The following LMF1 variants were observed in gnomAD, a reference collection of about 807,000 sequenced individuals.
LMF1 encodes lipase maturation factor 1, also known as transmembrane protein 112.
LMF1 carries 68 observed loss-of-function variants against 60.6 expected under a neutral mutation model. The observed-to-expected ratio is 1.12, with a 90% CI of 0.92 to 1.37. The LOEUF (loss-of-function observed/expected upper bound fraction) is 1.37. Ranked by LOEUF, LMF1 falls within the 40% of genes most tolerant of loss-of-function variation. LMF1 has a pLI of 0.00. For missense variants in LMF1, 948 were observed against 767.2 expected, an observed-to-expected ratio of 1.24 and a Z score of -2.78; for synonymous variants, 418 against 324.7, an observed-to-expected ratio of 1.29 and a Z score of -3.09.
intron 3 of LMF1, chr16:931,642 C>T: frequency 7.8e-7 from 1 of 1,286,978 alleles, no homozygotes; most frequent in Non-Finnish European, 1.0e-6. Flanking sequence ...GGAGTCATAC[C>T]TCAGTAACTG....
intron 1 of LMF1, 93 bp downstream of exon 1, chr16:970,695 C>T: frequency 2.5e-6 from 3 of 1,222,268 alleles, no homozygotes; most frequent in Admixed American, 2.6e-5. Flanking sequence ...GCGCCGCGGC[C>T]GCGAGACCGC....
intron 1 of LMF1, among the ~76,000 whole-genome samples, chr16:955,220 AGGCG>A (rs2072658377): frequency 7.7e-6 from 1 of 129,594 alleles, no homozygotes; most frequent in Admixed American, 7.5e-5. Flanking sequence ...GTTACATAAA[AGGCG>A]TGCCTGCAGC....
chr16:978,235 ACACCATACGCACTATACACG>A (rs1278449407), intron 1 of LMF1, among the ~76,000 whole-genome samples: 6 of 151,390 alleles, frequency 4.0e-5, no homozygotes, highest in Admixed American at 4.0e-4. Context: ...CACACCATAC[ACACCATACGCACTATACACG>A]CACCATACAC....
At chr16:932,051 C>A (rs911094385) in intron 3 of LMF1, among the ~76,000 whole-genome samples, 3 of 152,236 alleles carry the variant, frequency 2.0e-5, no homozygotes, top group African/African-American at 7.2e-5. Flanking sequence ...CCCATGCAGA[C>A]CCCGTTGCTT....
chr16:860,051 C>A (rs141660879), intron 10 of LMF1, among the ~76,000 whole-genome samples: 34 of 148,906 alleles, frequency 2.3e-4, no homozygotes, highest in Non-Finnish European at 4.3e-4. Flanking sequence ...ATCTGTGCAC[C>A]TTCTTTGGTG....
Position 970,771 on chromosome 16 carries a change from G to T in LMF1, c.193+17C>A, listed in dbSNP as rs1012448343. 1 of 1,511,928 alleles carries T rather than the reference G, an allele frequency of 6.6e-7. No homozygotes were observed. Among genetic ancestry groups the T allele is most frequent in the South Asian group, 1.2e-5 (1 of 80,730 alleles). 93.7% of individuals were successfully genotyped at this position (1,511,928 alleles called of 1,614,324 possible). ...GAGGTGACACTGGCGGATGTCCCGG[G>T]CCCGCCCGGCACTCACAGTACACGA... On this transcript the variant is annotated intron_variant, in intron 1 of 10. Transcript: ENST00000262301.
At chr16:945,235 T>C (rs1353146119) in intron 2 of LMF1, among the ~76,000 whole-genome samples, 1 of 92,978 alleles carries the variant, frequency 1.1e-5, no homozygotes, top group African/African-American at 5.0e-5. Flanking sequence ...AAAAGGAAAA[T>C]ATTTGGCTGG....
chr16:922,370 T>C (rs1212843327), intron 3 of LMF1, among the ~76,000 whole-genome samples: 1 of 152,180 alleles, frequency 6.6e-6, no homozygotes, highest in Non-Finnish European at 1.5e-5. Flanking sequence ...GGTAGCCAGG[T>C]AGGCAGAATG....
At chr16:914,745 CTATTGGTGACA>C (rs1220391205) in intron 3 of LMF1, among the ~76,000 whole-genome samples, 55 of 129,226 alleles carry the variant, frequency 4.3e-4, no homozygotes, top group Middle Eastern at 5.2e-3. Context: ...CTCCCCATGA[CTATTGGTGACA>C]CATTCCCTCC....
chr16:899,173 G>C (rs1325751053), intron 4 of LMF1: 1 of 152,256 alleles, frequency 6.6e-6, no homozygotes, highest in Non-Finnish European at 1.5e-5. Context: ...GCCGCGAGGA[G>C]CACCCCGGCT....
chr16:929,839 C>T (rs55816525), intron 3 of LMF1, among the ~76,000 whole-genome samples: 5,243 of 152,356 alleles, frequency 0.034, 111 homozygotes, highest in East Asian at 0.093. Context: ...TCAGCAGTCA[C>T]GTCCGTCTGT....
chr16:869,891 C>G lies in LMF1; in HGVS notation c.1408G>C (p.Ala470Pro). 1 of 1,611,732 alleles carries G rather than the reference C, an allele frequency of 6.2e-7. No homozygotes were observed. Among genetic ancestry groups the G allele is most frequent in the Non-Finnish European group, 8.5e-7 (1 of 1,179,546 alleles). ...YRLDWLMWFAAFQTYEHNDWI... is the reference protein window; with the variant it reads ...YRLDWLMWFAPFQTYEHNDWI... The stretch of plus-strand genomic sequence containing the variant: ...CAGGGACCGTCCCCCACCTGGAAGG[C>G]CGCGAACCACATCAGCCAGTCCAGG... The change falls in exon 9 of 11, where the codon GCC (alanine) becomes CCC (proline). Residue 470 changes from alanine to proline, a missense_variant. Physicochemically the swap from Ala to Pro is conservative, Grantham distance 27. Transcript: ENST00000262301.
rs1459871052 is a variant in LMF1 at position 950,193 on chromosome 16, G to C, written c.503+4164C>G. On this transcript the variant is annotated intron_variant, in intron 2 of 10. Transcript: ENST00000262301. Reference sequence around the variant, plus strand: ...AACGACAGAGTCAGAGCCAACGACAGAGTCAGCCAATGACAGAGTCAGAGA... The same window carrying C: ...AACGACAGAGTCAGAGCCAACGACACAGTCAGCCAATGACAGAGTCAGAGA... 1.0e-4 allele frequency among the ~76,000 whole-genome samples: 11 copies of C among 106,326 alleles called. 3 individuals are homozygous for C. Among genetic ancestry groups the C allele is most frequent in the Admixed American group, 1.8e-4 (2 of 10,852 alleles). The allele number at this position is 106,326 out of a possible 152,430, so 69.8% of individuals were successfully genotyped here. A position where few individuals can be genotyped will look rare whatever the true frequency, so the allele number is the denominator to read the frequency against.
In LMF1 at chr16:854,433, T is replaced by A; in HGVS notation, c.*99A>T. On this transcript the variant is annotated 3_prime_UTR_variant, in exon 11 of 11. Transcript: ENST00000262301. ...GGGTCCCACCGCTCTCCTCTCCACG[T>A]CTCTCTTGGCGATGCCCAGCTTGGG... The A allele has an allele frequency of 8.1e-7, 1 of 1,235,102 alleles. No individual in the cohort carries two copies. The highest frequency in any genetic ancestry group is 1.3e-5 in the South Asian group (1 of 76,298). The allele number at this position is 1,235,102 out of a possible 1,614,324, so 76.5% of individuals were successfully genotyped here.
intron 5 of LMF1, among the ~76,000 whole-genome samples, chr16:887,452 C>T (rs893473266): frequency 1.6e-4 from 24 of 152,178 alleles, no homozygotes; most frequent in African/African-American, 5.3e-4. Flanking sequence ...GGGGCACACG[C>T]GGTCTCGGTA....
chr16:972,528 T>G (rs1022924508), upstream of LMF1, among the ~76,000 whole-genome samples: 4 of 152,054 alleles, frequency 2.6e-5, no homozygotes, highest in Admixed American at 1.3e-4. Context: ...GTTCCCCTCA[T>G]CTGTGGGGAA....
chr16:926,343 T>G (rs1289650487), intron 3 of LMF1, among the ~76,000 whole-genome samples: 1 of 152,284 alleles, frequency 6.6e-6, no homozygotes, highest in Non-Finnish European at 1.5e-5. Flanking sequence ...TGCAGGTCTG[T>G]GCGCATGTGT....
chr16:979,701 G>C (rs771938435), intron 1 of LMF1: 16 of 454,054 alleles, frequency 3.5e-5, no homozygotes, highest in African/African-American at 1.6e-4. Flanking sequence ...CTTTGGCAAA[G>C]AGAGCTCTCC....
At chr16:886,383 C>T (rs1237609665) in intron 5 of LMF1, among the ~76,000 whole-genome samples, 1 of 152,142 alleles carries the variant, frequency 6.6e-6, no homozygotes. Context: ...GAAATCCAGG[C>T]CCACGGAAGG....
Sources: allele counts gnomAD v4.1 joint callset (sites outside exome capture counted in the v4.1 genomes callset), GRCh38; gene constraint gnomAD v4.1.1; transcripts MANE v1.5; gene names NCBI Gene and HGNC (gene_info 2026-07-23, HGNC 2026-07-21).